Variants in CSMD1 observed in about 807,000 individuals in gnomAD.
CSMD1 encodes CUB and Sushi multiple domains 1.
A neutral mutation model predicts 417.5 loss-of-function variants in CSMD1; 213 were observed. The observed-to-expected ratio is 0.51, with a 90% CI of 0.46 to 0.57. The LOEUF is 0.57. CSMD1 is among the 20% of genes least tolerant of loss of function. CSMD1 has a pLI of 0.00. For synonymous variants in CSMD1, 2,862 were observed against 1,736.8 expected (o/e 1.65, Z -16.11); for missense variants, 6,923 against 4,529.7 (o/e 1.53, Z -15.17).
At chr8:3,259,807 T>G (rs1182850012) in intron 26 of CSMD1, among the ~76,000 whole-genome samples, 1 of 152,228 alleles carries the variant, frequency 6.6e-6, no homozygotes, top group South Asian at 2.1e-4. Context: ...CAGCTAGTAT[T>G]GTAGCTTGAA....
chr8:4,152,799 T>C (rs1217202924), intron 3 of CSMD1, among the ~76,000 whole-genome samples: 4 of 152,190 alleles, frequency 2.6e-5, no homozygotes, highest in African/African-American at 9.7e-5. Flanking sequence ...TATGGGAATA[T>C]ACACACATAC....
chr8:4,457,409 A>C (rs1223470848), intron 2 of CSMD1, among the ~76,000 whole-genome samples: 2 of 152,164 alleles, frequency 1.3e-5, no homozygotes, highest in Non-Finnish European at 2.9e-5. Context: ...AATGTTTACT[A>C]AACTCAGGGG....
intron 5 of CSMD1, among the ~76,000 whole-genome samples, chr8:3,759,956 A>G (rs1259835518): frequency 1.3e-5 from 2 of 151,674 alleles, no homozygotes; most frequent in African/African-American, 2.4e-5. Context: ...GGTAGTGATC[A>G]ACCAATGTCT....
At chr8:4,168,825 G>A (rs191010929) in intron 3 of CSMD1, among the ~76,000 whole-genome samples, 6 of 151,744 alleles carry the variant, frequency 4.0e-5, no homozygotes, top group East Asian at 1.9e-4. Context: ...ACTTCATTCC[G>A]GCTCTCTGTT....
In CSMD1 at chr8:3,186,679, A is replaced by G. The variant is rs895649946; in HGVS notation, c.5620+1190T>C. Among the ~76,000 whole-genome samples the G allele has an allele frequency of 8.5e-5, 13 of 152,356 alleles. No individual in the cohort carries two copies. In the South Asian group the frequency reaches 2.5e-3, roughly 29 times the overall value. ...TTTAGGGAAAAAATATCCACAGTTA[A>G]GAAAAAATATATATTCCAGCCTCCC... On this transcript the variant is annotated intron_variant, in intron 36 of 69. Transcript: ENST00000635120.
intron 38 of CSMD1, among the ~76,000 whole-genome samples, chr8:3,159,694 G>T (rs959567294): frequency 6.6e-6 from 1 of 152,186 alleles, no homozygotes; most frequent in African/African-American, 2.4e-5. Flanking sequence ...GGCATTGTTT[G>T]TAACGAAGAA....
chr8:3,048,005 C>T (rs756372199), intron 50 of CSMD1, among the ~76,000 whole-genome samples: 1 of 152,182 alleles, frequency 6.6e-6, no homozygotes, highest in Non-Finnish European at 1.5e-5. Flanking sequence ...TGTGAAGTAA[C>T]AGGCACATGT....
At chr8:3,752,673 T>C (rs1035500523) in intron 6 of CSMD1, among the ~76,000 whole-genome samples, 2 of 55,974 alleles carry the variant, frequency 3.6e-5, no homozygotes, top group African/African-American at 1.9e-4. Flanking sequence ...ACTCCCCGCC[T>C]GGCAAAAAAA....
chr8:3,909,586 G>A (rs535886229), intron 5 of CSMD1, among the ~76,000 whole-genome samples: 2 of 152,152 alleles, frequency 1.3e-5, no homozygotes, highest in African/African-American at 4.8e-5. Context: ...GGCATAGAGG[G>A]AAAACTTCTA....
rs762731393 is a variant in CSMD1, at chr8:2,963,370, C to T, written c.9306G>A (p.Pro3102=). ...CKAVLCPQPP[P]VQNGTVEGSD... is the part of the protein sequence containing the mutation. ...TTCCCTCCACTGTTCCATTCTGCAC[C>T]GGCGGCGGCTGAGGACACAGCACGG... Residue 3102 remains proline (P), a synonymous_variant, in exon 60 of 70, where the codon CCG becomes CCA. Coordinates refer to ENST00000635120, the MANE Select transcript of CSMD1 (RefSeq NM_033225.6). The T allele has an allele frequency of 3.7e-5, 60 of 1,613,776 alleles. No individual in the cohort carries two copies. Among genetic ancestry groups the T allele is most frequent in the Non-Finnish European group, 4.5e-5 (53 of 1,179,826 alleles).
At position 3,891,038 on chromosome 8, in the gene CSMD1, G is replaced by GT. The variant is rs765170670; in HGVS notation, c.818+106864dup. 6.9e-3 allele frequency among the ~76,000 whole-genome samples: 1,012 copies of GT among 147,214 alleles called. 4 individuals are homozygous for GT. The highest frequency in any genetic ancestry group is 0.021 in the Middle Eastern group (6 of 284). ...CGTGAAATAATTGAGCAGCTTTTTT[G>GT]TTTTTTTTTTGTTTTATTTTATTAT... is the stretch of plus-strand genomic sequence containing the variant. On this transcript the variant is annotated intron_variant, in intron 5 of 69. Coordinates refer to ENST00000635120, the MANE Select transcript of CSMD1 (RefSeq NM_033225.6).
chr8:3,806,054 TA>T (rs1383052153), intron 5 of CSMD1, among the ~76,000 whole-genome samples: 6 of 152,326 alleles, frequency 3.9e-5, no homozygotes, highest in African/African-American at 1.4e-4. Context: ...CAATGGATTT[TA>T]ATTTATAATT....
chr8:4,910,381 G>A (rs1167561658), intron 1 of CSMD1, among the ~76,000 whole-genome samples: 1 of 152,132 alleles, frequency 6.6e-6, no homozygotes, highest in Non-Finnish European at 1.5e-5. Context: ...CTATAAACTG[G>A]ATTGCTTATA....
At chr8:4,475,961 T>C (rs1003903208) in intron 2 of CSMD1, among the ~76,000 whole-genome samples, 3 of 152,170 alleles carry the variant, frequency 2.0e-5, no homozygotes, top group African/African-American at 7.2e-5. Flanking sequence ...CATTTTGTTG[T>C]CTGTATTTTT....
intron 49 of CSMD1, among the ~76,000 whole-genome samples, chr8:3,085,319 A>G (rs1814447301): frequency 6.6e-6 from 1 of 152,242 alleles, no homozygotes; most frequent in Admixed American, 6.5e-5. Context: ...GGTTAACAGA[A>G]AGGTTAACAG....
rs143640240 is a variant in CSMD1, at chr8:4,876,949, CATT to C, written c.85+117380_85+117382del. 1.8e-4 allele frequency among the ~76,000 whole-genome samples: 27 copies of C among 152,092 alleles called. No homozygotes were observed. The East Asian group carries it at 5.2e-3, about 29-fold the overall frequency. Reference sequence around the variant, plus strand: ...ATCCATGCACACAAAAATTATTACACATTATGTAATTTTATGACAATTAAAAAT... The same window carrying C: ...ATCCATGCACACAAAAATTATTACACATGTAATTTTATGACAATTAAAAAT... On this transcript the variant is annotated intron_variant, in intron 1 of 69. Coordinates refer to ENST00000635120, the MANE Select transcript of CSMD1 (RefSeq NM_033225.6).
intron 1 of CSMD1, among the ~76,000 whole-genome samples, chr8:4,845,968 G>T (rs76921689): frequency 6.6e-6 from 1 of 152,084 alleles, no homozygotes; most frequent in Non-Finnish European, 1.5e-5. Context: ...ATAGAGAATC[G>T]GCTATAAATT....
chr8:4,168,812 C>G (rs974559181), intron 3 of CSMD1, among the ~76,000 whole-genome samples: 3 of 152,246 alleles, frequency 2.0e-5, no homozygotes, highest in East Asian at 3.9e-4. Context: ...TTCCTTTGAA[C>G]TAACTTCATT....
chr8:4,356,329 TACACACAC>T (rs3990908), intron 3 of CSMD1, among the ~76,000 whole-genome samples: 11 of 150,860 alleles, frequency 7.3e-5, no homozygotes, highest in Non-Finnish European at 1.6e-4. Flanking sequence ...TCATATGTAA[TACACACAC>T]ACACACACAC....
Sources: gnomAD v4.1 joint callset for allele counts (sites outside exome capture counted in the v4.1 genomes callset) on GRCh38, gnomAD v4.1.1 for gene constraint, MANE v1.5 for transcripts, NCBI Gene and HGNC (gene_info 2026-07-23, HGNC 2026-07-21) for gene names.